The following B4GALT1 variants were observed in gnomAD, a reference collection of about 807,000 sequenced individuals.
The protein encoded by B4GALT1 is beta-1,4-galactosyltransferase 1, also known as N-acetyllactosamine synthase.
B4GALT1 carries 16 observed loss-of-function variants against 34.9 expected under a neutral mutation model. The ratio of observed to expected loss-of-function variants is 0.46; its 90% CI spans 0.31 to 0.70. The LOEUF (loss-of-function observed/expected upper bound fraction) is 0.70, where lower values mean the gene tolerates loss of function less well. B4GALT1 is among the 30% of genes least tolerant of loss of function. The probability of loss-of-function intolerance (pLI) is 0.05; values close to 1 mark genes in which losing one functional copy is unlikely to be tolerated. For synonymous variants in B4GALT1, 221 were observed against 218.1 expected, an observed-to-expected ratio of 1.01 and a Z score of -0.12; for missense variants, 445 against 530.5, an observed-to-expected ratio of 0.84 and a Z score of 1.58.
At chr9:33,147,694 G>T (rs1840449172) in intron 1 of B4GALT1, among the ~76,000 whole-genome samples, 1 of 152,204 alleles carries the variant, frequency 6.6e-6, no homozygotes, top group African/African-American at 2.4e-5. Flanking sequence ...AGAAAAAGAA[G>T]AGTGCTGGTG....
Position 33,112,302 on chromosome 9 carries a change from G to A in B4GALT1, c.*1152C>T, listed in dbSNP as rs1343435909. The A allele has an allele frequency of 6.6e-6, 1 of 152,342 alleles. No homozygotes were observed. Among genetic ancestry groups the A allele is most frequent in the African/African-American group, 2.4e-5 (1 of 41,464 alleles). 9.4% of individuals were successfully genotyped at this position (152,342 alleles called of 1,614,324 possible). ...GGGGCCTGAGGGGTCAGTCTAAGGA[G>A]GCTGAGGCTCCCTCCGCCCTGCCCA... On this transcript the variant is annotated 3_prime_UTR_variant, in exon 6 of 6. Transcript: ENST00000379731.
In B4GALT1 at chr9:33,167,193, G is replaced by A; in HGVS notation, c.-24C>T. The A allele has an allele frequency of 6.3e-7, 1 of 1,585,206 alleles. No homozygotes were observed. Among genetic ancestry groups the A allele is most frequent in the Non-Finnish European group, 8.6e-7 (1 of 1,168,042 alleles). On this transcript the variant is annotated 5_prime_UTR_variant, in exon 1 of 6. Coordinates refer to ENST00000379731, the MANE Select transcript of B4GALT1 (RefSeq NM_001497.4). ...ATCTTCCCGCCGCCGCTTTAAGAAG[G>A]GTGTGGGCTACAGGAGGGGAGGCGA...
At chr9:33,147,245 CTT>C (rs59219360) in intron 1 of B4GALT1, among the ~76,000 whole-genome samples, 65,694 of 136,244 alleles carry the variant, frequency 0.48, 16,035 homozygotes, top group East Asian at 0.71. Context: ...ACAAGTCATT[CTT>C]TTTTTTTTTT....
Position 33,135,407 on chromosome 9 carries a change from C to G in B4GALT1, c.430G>C (p.Glu144Gln). ...TCCAGGTCCACAGGCATGTTAAACT[C>G]AATCAGCATGGGGCCCACTAGAGAG... ...SPLLVGPMLI[E>Q]FNMPVDLELV... The change falls in exon 2 of 6, where the codon GAG (glutamate) becomes CAG (glutamine). Residue 144 changes from glutamate to glutamine, a missense_variant. Glu to Gln is a conservative substitution (Grantham distance 29, BLOSUM62 2). Around this residue, in one of 3 missense-constraint regions of B4GALT1, gnomAD observed 349 missense variants for 395.5 expected, o/e 0.88. Transcript: ENST00000379731. 1.9e-6 allele frequency: 3 copies of G among 1,614,136 alleles called. No individual in the cohort carries two copies. The highest frequency in any genetic ancestry group is 2.5e-6 in the Non-Finnish European group (3 of 1,180,020).
At chr9:33,163,260 G>A (rs1840700745) in intron 1 of B4GALT1, among the ~76,000 whole-genome samples, 1 of 152,148 alleles carries the variant, frequency 6.6e-6, no homozygotes, top group African/African-American at 2.4e-5. Context: ...ACAAACCCTG[G>A]CAGACGCTCA....
Position 33,116,126 on chromosome 9 carries a change from CAT to C in B4GALT1, c.837-15_837-14del. The C allele has an allele frequency of 6.2e-7, 1 of 1,611,696 alleles. No individual in the cohort carries two copies. Among genetic ancestry groups the C allele is most frequent in the African/African-American group, 1.3e-5 (1 of 74,968 alleles). ...AACATAAGGTAGGCTGGAGGAAAAA[CAT>C]ACACACAGAAGGAGCAGTGGTTAGT... On this transcript the variant is annotated splice_polypyrimidine_tract_variant and intron_variant, in intron 3 of 5. Transcript: ENST00000379731.
the B4GALT1 span, among the ~76,000 whole-genome samples, chr9:33,174,979 A>T: frequency 4.6e-5 from 2 of 43,296 alleles, no homozygotes; most frequent in Non-Finnish European, 9.9e-5. Context: ...AAAAAAAAAA[A>T]AAAAAAAAAA....
upstream of B4GALT1, among the ~76,000 whole-genome samples, chr9:33,168,575 G>T (rs532564839): frequency 6.6e-5 from 10 of 152,312 alleles, no homozygotes; most frequent in South Asian, 1.7e-3. Flanking sequence ...TGACACTTTG[G>T]TTGTGATCAT....
the B4GALT1 span, among the ~76,000 whole-genome samples, chr9:33,180,326 G>A: frequency 1.1e-4 from 17 of 152,228 alleles, no homozygotes; most frequent in Admixed American, 4.6e-4. Flanking sequence ...CATTCCAGCC[G>A]GGGTCTAAGC....
intron 1 of B4GALT1, among the ~76,000 whole-genome samples, chr9:33,162,724 C>T (rs1488580758): frequency 1.3e-5 from 2 of 152,178 alleles, no homozygotes; most frequent in African/African-American, 2.4e-5. Context: ...GCTCTTACTC[C>T]CCATTCCCCA....
At position 33,152,568 on chromosome 9, in the gene B4GALT1, A is replaced by G. The variant is rs1002140461; in HGVS notation, c.412+14190T>C. Among the ~76,000 whole-genome samples, 10 of 150,828 alleles carry G rather than the reference A, an allele frequency of 6.6e-5. 1 individual carries two copies. The highest frequency in any genetic ancestry group is 2.2e-4 in the African/African-American group (9 of 41,260). On this transcript the variant is annotated intron_variant, in intron 1 of 5. Coordinates refer to ENST00000379731, the MANE Select transcript of B4GALT1 (RefSeq NM_001497.4). Reference sequence around the variant, plus strand: ...GCCAAAAAAAGGGTAAAAAAAAAAAAGGGTTAAAAAAAAGAAAAAAAAAGT... The same window carrying G: ...GCCAAAAAAAGGGTAAAAAAAAAAAGGGGTTAAAAAAAAGAAAAAAAAAGT...
intron 1 of B4GALT1, among the ~76,000 whole-genome samples, chr9:33,148,315 T>C (rs939483921): frequency 6.6e-6 from 1 of 152,122 alleles, no homozygotes; most frequent in African/African-American, 2.4e-5. Flanking sequence ...GCACATCTAT[T>C]AGTTTGGCAA....
At chr9:33,163,766 C>T (rs980957198) in intron 1 of B4GALT1, among the ~76,000 whole-genome samples, 3 of 152,324 alleles carry the variant, frequency 2.0e-5, no homozygotes, top group East Asian at 3.9e-4. Context: ...AAGTGGATGC[C>T]GCATGGCCCC....
the B4GALT1 span, among the ~76,000 whole-genome samples, chr9:33,174,958 TAAAAAAAAAAAAAA>T: frequency 9.0e-4 from 12 of 13,344 alleles, no homozygotes; most frequent in Non-Finnish European, 1.1e-3. Context: ...GACTCTGTCT[TAAAAAAAAAAAAAA>T]AAAAAAAAAA....
the B4GALT1 span, among the ~76,000 whole-genome samples, chr9:33,182,669 C>T: frequency 2.0e-5 from 3 of 152,202 alleles, no homozygotes; most frequent in Non-Finnish European, 1.5e-5. Context: ...ATGTTCCAAA[C>T]TTCTCCCCGC....
At chr9:33,142,954 G>A (rs190759025) in intron 1 of B4GALT1, among the ~76,000 whole-genome samples, 1 of 152,244 alleles carries the variant, frequency 6.6e-6, no homozygotes, top group Non-Finnish European at 1.5e-5. Context: ...AGACCAGCCT[G>A]GCCAACATGG....
Position 33,117,496 on chromosome 9 carries a change from A to G in B4GALT1, c.837-1383T>C, listed in dbSNP as rs116407292. Among the ~76,000 whole-genome samples the G allele has an allele frequency of 5.1e-3, 774 of 152,290 alleles. 9 individuals are homozygous for G. The highest frequency in any genetic ancestry group is 0.018 in the African/African-American group (741 of 41,556). On this transcript the variant is annotated intron_variant, in intron 3 of 5. Transcript: ENST00000379731. ...CCCAAAGCCTTCCTGTGGGTTCTCT[A>G]AAGGCTGTGGTTTTGTGTGACTCTG... is the stretch of plus-strand genomic sequence containing the variant.
At chr9:33,144,568 A>G (rs1004667680) in intron 1 of B4GALT1, among the ~76,000 whole-genome samples, 1 of 152,108 alleles carries the variant, frequency 6.6e-6, no homozygotes, top group African/African-American at 2.4e-5. Context: ...TTAAATTTAT[A>G]TTGGTCCTTT....
intron 1 of B4GALT1, among the ~76,000 whole-genome samples, chr9:33,157,912 G>A (rs943120634): frequency 2.6e-5 from 4 of 152,162 alleles, no homozygotes; most frequent in African/African-American, 9.7e-5. Context: ...TGAGAACACT[G>A]AGGCACAGAG....
Sources: gnomAD v4.1 joint callset for allele counts (sites outside exome capture counted in the v4.1 genomes callset) on GRCh38, gnomAD v4.1.1 for gene constraint, gnomAD v4.1.1 regional missense constraint, MANE v1.5 for transcripts, NCBI Gene and HGNC (gene_info 2026-07-23, HGNC 2026-07-21) for gene names.